The following IL1RAPL1 variants were observed in gnomAD, a reference collection of about 807,000 sequenced individuals.
IL1RAPL1 encodes interleukin 1 receptor accessory protein like 1, also known as interleukin-1 receptor accessory protein-like 1.
Under a neutral mutation model 48.4 loss-of-function variants are expected in IL1RAPL1, and 3 were observed. The ratio of observed to expected loss-of-function variants is 0.06; its 90% CI spans 0.03 to 0.16. The LOEUF (loss-of-function observed/expected upper bound fraction) is 0.16. Among genes scored for constraint, IL1RAPL1 ranks in the 10% least tolerant of loss-of-function variants. IL1RAPL1 has a pLI of 1.00. For missense variants in IL1RAPL1, 349 were observed against 530.6 expected (o/e 0.66, Z 3.36); for synonymous variants, 185 against 187.7 (o/e 0.99, Z 0.12).
At chrX:29,807,457 A>G (rs1327309624) in intron 6 of IL1RAPL1, among the ~76,000 whole-genome samples, 2 of 107,306 alleles carry the variant, frequency 1.9e-5, no homozygotes, top group Non-Finnish European at 3.8e-5. Context: ...TCTCCTAAAA[A>G]AGTAAAAATT....
At chrX:28,599,976 GC>G (rs1459739822) in intron 1 of IL1RAPL1, among the ~76,000 whole-genome samples, 1 of 111,600 alleles carries the variant, frequency 9.0e-6, no homozygotes, top group Non-Finnish European at 1.9e-5. Flanking sequence ...CTGGCGGGGG[GC>G]TGCCCCACAG....
chrX:29,336,998 G>A (rs1163460838), intron 3 of IL1RAPL1, among the ~76,000 whole-genome samples: 1 of 110,712 alleles, frequency 9.0e-6, no homozygotes, highest in African/African-American at 3.3e-5. Context: ...AAGGGGAGCC[G>A]GAGACTGGAG....
intron 2 of IL1RAPL1, among the ~76,000 whole-genome samples, chrX:28,876,920 G>C (rs904646011): frequency 8.9e-6 from 1 of 111,898 alleles, no homozygotes; most frequent in Non-Finnish European, 1.9e-5. Flanking sequence ...GTACAGACCA[G>C]CTATGGACTA....
intron 2 of IL1RAPL1, among the ~76,000 whole-genome samples, chrX:29,160,916 G>T (rs1012245864): frequency 9.0e-6 from 1 of 111,683 alleles, no homozygotes; most frequent in Non-Finnish European, 1.9e-5. Context: ...TAGCCAGGCA[G>T]GCGTGGTGGT....
At chrX:29,882,249 A>T (rs1182710225) in intron 6 of IL1RAPL1, among the ~76,000 whole-genome samples, 1 of 111,523 alleles carries the variant, frequency 9.0e-6, no homozygotes, top group Non-Finnish European at 1.9e-5. Context: ...GCACTATGAC[A>T]CTCACATTAC....
intron 2 of IL1RAPL1, among the ~76,000 whole-genome samples, chrX:29,279,465 A>G (rs1332114588): frequency 8.9e-6 from 1 of 111,935 alleles, no homozygotes; most frequent in Non-Finnish European, 1.9e-5. Context: ...TATTCAAATA[A>G]TTTGAATATG....
chrX:28,631,673 C>A (rs779513367), intron 1 of IL1RAPL1, among the ~76,000 whole-genome samples: 11 of 112,267 alleles, frequency 9.8e-5, no homozygotes, highest in Non-Finnish European at 1.3e-4. Context: ...AACGTCAAAT[C>A]CCCCAAATCT....
intron 1 of IL1RAPL1, among the ~76,000 whole-genome samples, chrX:28,664,199 A>G (rs1418753855): frequency 8.9e-6 from 1 of 112,585 alleles, no homozygotes; most frequent in Non-Finnish European, 1.9e-5. Context: ...GTATAAATCC[A>G]TAGGGAGCAT....
intron 2 of IL1RAPL1, among the ~76,000 whole-genome samples, chrX:28,899,934 G>T (rs894901045): frequency 7.1e-5 from 8 of 112,180 alleles, no homozygotes; most frequent in Non-Finnish European, 1.3e-4. Context: ...ATTGTTAAAG[G>T]CATGGTAATT....
intron 2 of IL1RAPL1, among the ~76,000 whole-genome samples, chrX:29,217,501 T>C (rs897283174): frequency 8.9e-6 from 1 of 112,157 alleles, no homozygotes; most frequent in African/African-American, 3.2e-5. Context: ...TTTTGGTCTT[T>C]ATTATCTTAT....
intron 6 of IL1RAPL1, among the ~76,000 whole-genome samples, chrX:29,773,986 A>G (rs140555286): frequency 0.05 from 5,592 of 111,269 alleles, 348 homozygotes; most frequent in African/African-American, 0.17. Context: ...CTATTCACAC[A>G]ACACATACAA....
intron 5 of IL1RAPL1, among the ~76,000 whole-genome samples, chrX:29,540,926 C>T (rs1421143347): frequency 8.9e-6 from 1 of 111,936 alleles, no homozygotes; most frequent in African/African-American, 3.2e-5. Context: ...CAAAAATTGA[C>T]AAGTGGGACC....
chrX:28,659,421 G>GTGTT (rs1376188182), intron 1 of IL1RAPL1: 2 of 531,226 alleles, frequency 3.8e-6, no homozygotes, highest in African/African-American at 4.6e-5. Flanking sequence ...TGCTTCCCGG[G>GTGTT]TGTTTTACCA....
chrX:29,318,408 A>G (rs986275159), intron 3 of IL1RAPL1, among the ~76,000 whole-genome samples: 82 of 112,729 alleles, frequency 7.3e-4, no homozygotes, highest in African/African-American at 2.1e-3. Context: ...TGTGAATTTG[A>G]TGACGCATTT....
At chrX:29,937,245 C>G (rs1933048749) in intron 8 of IL1RAPL1, among the ~76,000 whole-genome samples, 1 of 112,282 alleles carries the variant, frequency 8.9e-6, no homozygotes, top group African/African-American at 3.2e-5. Flanking sequence ...CTTCTGTCCT[C>G]AGATGTTGAA....
chrX:29,217,900 A>AG, intron 2 of IL1RAPL1, among the ~76,000 whole-genome samples: 1 of 110,845 alleles, frequency 9.0e-6, no homozygotes, highest in East Asian at 2.8e-4. Context: ...AGGAAACAGA[A>AG]GAAAGAAAAA....
At chrX:29,806,940 A>G (rs966099572) in intron 6 of IL1RAPL1, among the ~76,000 whole-genome samples, 3 of 109,889 alleles carry the variant, frequency 2.7e-5, no homozygotes, top group Non-Finnish European at 5.7e-5. Flanking sequence ...TGCTCTGACC[A>G]TGTAAGATGT....
intron 2 of IL1RAPL1, among the ~76,000 whole-genome samples, chrX:29,003,742 G>A (rs1925911217): frequency 8.9e-6 from 1 of 112,475 alleles, no homozygotes; most frequent in African/African-American, 3.2e-5. Context: ...ATATGCTAAT[G>A]TGACAGTATT....
chrX:28,783,672 G>A (rs1012032794), intron 1 of IL1RAPL1, among the ~76,000 whole-genome samples: 8 of 111,317 alleles, frequency 7.2e-5, no homozygotes, highest in African/African-American at 2.6e-4. Context: ...TTCATCAGTG[G>A]TTTTCCAAAT....
Sources: allele counts gnomAD v4.1 joint callset (sites outside exome capture counted in the v4.1 genomes callset), GRCh38; gene constraint gnomAD v4.1.1; transcripts MANE v1.5; gene names NCBI Gene and HGNC (gene_info 2026-07-23, HGNC 2026-07-21).